The following HS3ST5 variants were observed in gnomAD, a reference collection of about 807,000 sequenced individuals.
HS3ST5 encodes the protein heparan sulfate glucosamine 3-O-sulfotransferase 5.
Under a neutral mutation model 25.4 loss-of-function variants are expected in HS3ST5, and 10 were observed. That is an observed-to-expected ratio of 0.39 (90% CI 0.24 to 0.67). HS3ST5 has a LOEUF of 0.67. Among genes scored for constraint, HS3ST5 ranks in the 30% least tolerant of loss-of-function variants. The pLI is 0.44. For synonymous variants in HS3ST5, 170 were observed against 162.4 expected, an observed-to-expected ratio of 1.05 and a Z score of -0.36; for missense variants, 324 against 420.7, an observed-to-expected ratio of 0.77 and a Z score of 2.01.
At chr6:114,283,503 T>C (rs1320343610) in intron 1 of HS3ST5, among the ~76,000 whole-genome samples, 2 of 152,016 alleles carry the variant, frequency 1.3e-5, no homozygotes, top group East Asian at 3.9e-4. Context: ...GCTATTATTA[T>C]TTTTTCATGT....
At position 114,186,380 on chromosome 6, in the gene HS3ST5, C is replaced by A. The variant is rs556308415; in HGVS notation, c.-144-17918G>T. ...ACTCATGAATAATAAGAAAGTGAAA[C>A]AGCCTTATTGCCAATATGGAGAAAG... On this transcript the variant is annotated intron_variant, in intron 2 of 4. Coordinates refer to ENST00000312719, the MANE Select transcript of HS3ST5 (RefSeq NM_153612.4). Among the ~76,000 whole-genome samples the A allele has an allele frequency of 3.9e-5, 6 of 152,154 alleles. 1 individual carries two copies. In the South Asian group the frequency reaches 1.2e-3, roughly 32 times the overall value.
At chr6:114,225,653 C>T (rs1782256686) in intron 2 of HS3ST5, among the ~76,000 whole-genome samples, 2 of 151,846 alleles carry the variant, frequency 1.3e-5, no homozygotes, top group Non-Finnish European at 2.9e-5. Flanking sequence ...AGTGTGTGTC[C>T]TGTCACATAA....
At chr6:114,075,586 G>A (rs1190144897) in intron 3 of HS3ST5, among the ~76,000 whole-genome samples, 2 of 152,152 alleles carry the variant, frequency 1.3e-5, no homozygotes, top group Non-Finnish European at 2.9e-5. Flanking sequence ...CTCTATTGTC[G>A]CTGTCTTAGA....
At chr6:114,247,540 T>C (rs1772438602) in intron 1 of HS3ST5, among the ~76,000 whole-genome samples, 1 of 152,134 alleles carries the variant, frequency 6.6e-6, no homozygotes, top group Non-Finnish European at 1.5e-5. Flanking sequence ...TCTTCTACAA[T>C]CAATTTATAA....
At chr6:114,215,339 C>A (rs145301848) in intron 2 of HS3ST5, among the ~76,000 whole-genome samples, 1 of 151,944 alleles carries the variant, frequency 6.6e-6, no homozygotes, top group African/African-American at 2.4e-5. Flanking sequence ...ACAACAGCAA[C>A]AAAAAACTCA....
chr6:114,276,909 G>A (rs529974772), intron 1 of HS3ST5, among the ~76,000 whole-genome samples: 1 of 152,058 alleles, frequency 6.6e-6, no homozygotes, highest in Admixed American at 6.6e-5. Flanking sequence ...ACGATGGTCA[G>A]CATGGGATTA....
chr6:114,281,109 G>C (rs1469200268), intron 1 of HS3ST5, among the ~76,000 whole-genome samples: 3 of 151,936 alleles, frequency 2.0e-5, no homozygotes, highest in Non-Finnish European at 4.4e-5. Flanking sequence ...ATATATTCTA[G>C]GATATGGTAG....
chr6:114,136,441 G>A (rs1037090874), intron 3 of HS3ST5, among the ~76,000 whole-genome samples: 27 of 152,312 alleles, frequency 1.8e-4, no homozygotes, highest in African/African-American at 4.3e-4. Flanking sequence ...GCCATGTGGA[G>A]CTGTGAGTCA....
intron 2 of HS3ST5, among the ~76,000 whole-genome samples, chr6:114,174,020 C>G (rs1406742336): frequency 6.6e-6 from 1 of 152,064 alleles, no homozygotes; most frequent in Non-Finnish European, 1.5e-5. Context: ...TCTGGCTCCC[C>G]CAAACTGCCC....
At chr6:114,066,463 A>T (rs1773452983) in intron 3 of HS3ST5, among the ~76,000 whole-genome samples, 1 of 152,140 alleles carries the variant, frequency 6.6e-6, no homozygotes, top group Admixed American at 6.5e-5. Context: ...GTGAAACCCC[A>T]TCTCTACAAA....
chr6:114,166,416 T>G (rs1582672094), intron 3 of HS3ST5, among the ~76,000 whole-genome samples: 1 of 152,312 alleles, frequency 6.6e-6, no homozygotes, highest in Non-Finnish European at 1.5e-5. Flanking sequence ...AATAAAGAGA[T>G]TCCAAGAGTG....
chr6:114,107,479 C>A (rs1166323891), intron 3 of HS3ST5, among the ~76,000 whole-genome samples: 3 of 152,176 alleles, frequency 2.0e-5, no homozygotes, highest in African/African-American at 7.2e-5. Flanking sequence ...AGGAAGAAGA[C>A]AACGTCTGTT....
intron 3 of HS3ST5, among the ~76,000 whole-genome samples, chr6:114,082,185 T>A (rs1774489988): frequency 6.6e-6 from 1 of 152,234 alleles, no homozygotes; most frequent in South Asian, 2.1e-4. Flanking sequence ...TTTTCCTTAA[T>A]TTCTTCTCAT....
Position 114,058,162 on chromosome 6 carries a change from G to T in HS3ST5, c.136C>A (p.Arg46=). 6.2e-7 allele frequency: 1 copy of T among 1,608,074 alleles called. No individual in the cohort carries two copies. The highest frequency in any genetic ancestry group is 8.5e-7 in the Non-Finnish European group (1 of 1,175,420). ...RLQPICPIEG[R]LGGARTQAEF... ...GCCTGAGTGCGGGCTCCACCCAGTC[G>T]ACCTTCAATGGGGCAAATGGGTTGT... The change falls in exon 5 of 5, where the codon CGA becomes AGA. Residue 46 remains arginine, a synonymous_variant. Transcript: ENST00000312719.
chr6:114,144,922 G>C (rs897358554), intron 3 of HS3ST5, among the ~76,000 whole-genome samples: 1 of 152,220 alleles, frequency 6.6e-6, no homozygotes, highest in Non-Finnish European at 1.5e-5. Context: ...TCTGCTGTTA[G>C]TTGGGACCTG....
rs150936038 is a variant in HS3ST5 at position 114,206,704 on chromosome 6, C to T, written c.-145+21881G>A. ...GTGGTCATACCTTTAAAACATTAGT[C>T]GAATAAGAGAAATTAAAATGTTACT... On this transcript the variant is annotated intron_variant, in intron 2 of 4. Coordinates refer to ENST00000312719, the MANE Select transcript of HS3ST5 (RefSeq NM_153612.4). Among the ~76,000 whole-genome samples the T allele has an allele frequency of 2.6e-3, 392 of 151,930 alleles. 4 individuals carry two copies. The highest frequency in any genetic ancestry group is 8.8e-3 in the African/African-American group (364 of 41,432).
intron 2 of HS3ST5, among the ~76,000 whole-genome samples, chr6:114,204,942 G>GA (rs1781204773): frequency 6.6e-6 from 1 of 152,110 alleles, no homozygotes. Context: ...GTAGAAACAT[G>GA]AATACATGGT....
intron 2 of HS3ST5, among the ~76,000 whole-genome samples, chr6:114,205,975 G>C (rs1233471323): frequency 6.6e-6 from 1 of 152,102 alleles, no homozygotes; most frequent in Non-Finnish European, 1.5e-5. Context: ...ACAGGCTATG[G>C]ACCAGTACCA....
At chr6:114,324,355 G>T (rs1776088373) in intron 1 of HS3ST5, among the ~76,000 whole-genome samples, 1 of 152,160 alleles carries the variant, frequency 6.6e-6, no homozygotes, top group Admixed American at 6.5e-5. Context: ...ACGTGAGCAG[G>T]TTTCTAGTTT....
Sources: allele counts gnomAD v4.1 joint callset (sites outside exome capture counted in the v4.1 genomes callset), GRCh38; gene constraint gnomAD v4.1.1; transcripts MANE v1.5; gene names NCBI Gene and HGNC (gene_info 2026-07-23, HGNC 2026-07-21).